The following HPSE2 variants were observed in gnomAD, a reference collection of about 807,000 sequenced individuals.
HPSE2 encodes the protein inactive heparanase-2.
In HPSE2, 38 loss-of-function variants were observed where a neutral mutation model predicts 60.5. The ratio of observed to expected loss-of-function variants is 0.63; its 90% CI spans 0.48 to 0.82. The LOEUF is 0.82. Ranked by LOEUF, HPSE2 falls within the 40% of genes least tolerant of loss-of-function variation. The pLI, the probability that HPSE2 is intolerant of heterozygous loss-of-function variation, is 0.00. For synonymous variants in HPSE2, 295 were observed against 293.2 expected (o/e 1.01, Z -0.06); for missense variants, 713 against 740.4 (o/e 0.96, Z 0.43).
At chr10:98,970,771 C>T (rs183478443) in intron 3 of HPSE2, among the ~76,000 whole-genome samples, 8 of 152,160 alleles carry the variant, frequency 5.3e-5, no homozygotes, top group Admixed American at 4.6e-4. Context: ...AGCAAAAGGT[C>T]ATCAAACAAC....
intron 3 of HPSE2, among the ~76,000 whole-genome samples, chr10:98,970,884 G>A (rs1448532607): frequency 1.3e-5 from 2 of 152,130 alleles, no homozygotes; most frequent in Non-Finnish European, 2.9e-5. Context: ...GCCAAATCAT[G>A]TGCCTGTTAA....
chr10:98,861,794 G>C (rs1952463979), intron 3 of HPSE2, among the ~76,000 whole-genome samples: 1 of 152,064 alleles, frequency 6.6e-6, no homozygotes, highest in African/African-American at 2.4e-5. Flanking sequence ...CTTTCAAAAG[G>C]GGATGCAGGA....
At chr10:99,236,892 A>G (rs1038513688), upstream of HPSE2, among the ~76,000 whole-genome samples, 1 of 151,768 alleles carries the variant, frequency 6.6e-6, no homozygotes, top group African/African-American at 2.4e-5. Context: ...CCCCCTCCAG[A>G]CCCTCCTGGA....
intron 3 of HPSE2, among the ~76,000 whole-genome samples, chr10:98,887,200 A>G (rs749755656): frequency 6.6e-6 from 1 of 152,150 alleles, no homozygotes; most frequent in African/African-American, 2.4e-5. Context: ...TAAGAACCAT[A>G]ATATCAACTT....
chr10:98,893,153 C>T (rs1953385236), intron 3 of HPSE2, among the ~76,000 whole-genome samples: 3 of 151,986 alleles, frequency 2.0e-5, no homozygotes, highest in South Asian at 4.1e-4. Flanking sequence ...CTGCAACCTC[C>T]ACCTCCCAGG....
At chr10:98,995,529 T>G (rs1956623854) in intron 3 of HPSE2, among the ~76,000 whole-genome samples, 1 of 152,168 alleles carries the variant, frequency 6.6e-6, no homozygotes, top group South Asian at 2.1e-4. Context: ...TTTATTCTCC[T>G]CTCCGGATAA....
At chr10:99,288,597 C>A in the HPSE2 span, among the ~76,000 whole-genome samples, 1 of 151,322 alleles carries the variant, frequency 6.6e-6, no homozygotes, top group Non-Finnish European at 1.5e-5. Flanking sequence ...GATCCAGGAA[C>A]CAGGGAATTC....
the HPSE2 span, among the ~76,000 whole-genome samples, chr10:99,249,545 T>C: frequency 6.6e-6 from 1 of 152,236 alleles, no homozygotes; most frequent in Non-Finnish European, 1.5e-5. Context: ...CAGAAGAGAC[T>C]TGCCTTGTCT....
In HPSE2 at chr10:98,983,526, C is replaced by T. The variant is rs576359140; in HGVS notation, c.610+160712G>A. 2.6e-5 allele frequency among the ~76,000 whole-genome samples: 4 copies of T among 152,330 alleles called. No individual in the cohort carries two copies. In the South Asian group the frequency reaches 8.3e-4, roughly 32 times the overall value. On this transcript the variant is annotated intron_variant, in intron 3 of 11. Coordinates refer to ENST00000370552, the MANE Select transcript of HPSE2 (RefSeq NM_021828.5). ...AATTGTCTCAAACTTATTTTTAAGGCCACCATCATTTGCGATCTCAAGCAG... is the reference window on the plus strand; with the variant it reads ...AATTGTCTCAAACTTATTTTTAAGGTCACCATCATTTGCGATCTCAAGCAG...
intron 3 of HPSE2, among the ~76,000 whole-genome samples, chr10:99,144,018 G>A (rs576333966): frequency 2.0e-5 from 3 of 152,270 alleles, no homozygotes; most frequent in South Asian, 4.1e-4. Flanking sequence ...GCTTCAATAG[G>A]TTTTCATCAG....
the HPSE2 span, among the ~76,000 whole-genome samples, chr10:99,281,325 A>T: frequency 7.1e-6 from 1 of 141,462 alleles, no homozygotes; most frequent in Non-Finnish European, 1.5e-5. Context: ...CTATTTTTAT[A>T]ATTACTATAT....
intron 5 of HPSE2, among the ~76,000 whole-genome samples, chr10:98,701,356 T>C (rs1948402614): frequency 6.7e-6 from 1 of 148,698 alleles, no homozygotes; most frequent in South Asian, 2.2e-4. Flanking sequence ...TGGATGAAAT[T>C]GGAAATCATC....
At chr10:98,932,088 T>C (rs1232546302) in intron 3 of HPSE2, among the ~76,000 whole-genome samples, 2 of 144,052 alleles carry the variant, frequency 1.4e-5, no homozygotes, top group African/African-American at 5.7e-5. Context: ...CCATTTAGTA[T>C]GATATTGGCT....
In HPSE2 at chr10:99,217,577, T is replaced by TTGTTG. The variant is rs1554922539; in HGVS notation, c.448+14770_448+14771insCAACA. Reference sequence around the variant, plus strand: ...TTGAATTGGCCTAGGACCCAGTTTTTTTGTTGTTGTTGTTGTTGTGCTGCT... The same window carrying TTGTTG: ...TTGAATTGGCCTAGGACCCAGTTTTTTGTTGTTGTTGTTGTTGTTGTTGTGCTGCT... On this transcript the variant is annotated intron_variant, in intron 2 of 11. Transcript: ENST00000370552. 2.6e-4 allele frequency among the ~76,000 whole-genome samples: 40 copies of TTGTTG among 151,490 alleles called. No individual in the cohort carries two copies. The South Asian group carries it at 3.1e-3, about 12-fold the overall frequency.
At chr10:98,602,562 C>T (rs1483480107) in intron 9 of HPSE2, among the ~76,000 whole-genome samples, 1 of 152,008 alleles carries the variant, frequency 6.6e-6, no homozygotes, top group Non-Finnish European at 1.5e-5. Context: ...TGGTATTGGC[C>T]ATAATCTCTT....
intron 3 of HPSE2, among the ~76,000 whole-genome samples, chr10:98,886,217 T>G (rs1953161296): frequency 6.6e-6 from 1 of 152,032 alleles, no homozygotes; most frequent in Non-Finnish European, 1.5e-5. Context: ...TGCCACATGG[T>G]TTTTCAAAAA....
In HPSE2 at chr10:99,059,556, G is replaced by A. The variant is rs530793051; in HGVS notation, c.610+84682C>T. On this transcript the variant is annotated intron_variant, in intron 3 of 11. Coordinates refer to ENST00000370552, the MANE Select transcript of HPSE2 (RefSeq NM_021828.5). ...TTGGTATTAATAAAGGCTAATACAGGTACCAGTACCTTTCTTTTCTCTCTC... is the reference window on the plus strand; with the variant it reads ...TTGGTATTAATAAAGGCTAATACAGATACCAGTACCTTTCTTTTCTCTCTC... 2.6e-5 allele frequency among the ~76,000 whole-genome samples: 4 copies of A among 152,078 alleles called. No homozygotes were observed. In the South Asian group the frequency reaches 8.3e-4, roughly 32 times the overall value.
Position 98,726,821 on chromosome 10 carries a change from A to G in HPSE2, c.785-4993T>C, listed in dbSNP as rs191120208. On this transcript the variant is annotated intron_variant, in intron 4 of 11. Coordinates refer to ENST00000370552, the MANE Select transcript of HPSE2 (RefSeq NM_021828.5). ...TAGGAGGATTCCTAGCTATCCACACATTTCCAGATAAGTGTGAAACCTAGG... is the reference window on the plus strand; with the variant it reads ...TAGGAGGATTCCTAGCTATCCACACGTTTCCAGATAAGTGTGAAACCTAGG... 5.3e-3 allele frequency among the ~76,000 whole-genome samples: 807 copies of G among 152,152 alleles called. 7 individuals are homozygous for G. The highest frequency in any genetic ancestry group is 7.6e-3 in the Non-Finnish European group (518 of 67,980).
intron 4 of HPSE2, among the ~76,000 whole-genome samples, chr10:98,741,407 T>C (rs1173160209): frequency 6.6e-6 from 1 of 152,098 alleles, no homozygotes; most frequent in Non-Finnish European, 1.5e-5. Flanking sequence ...TTTTTTTAAG[T>C]GTAATTAGCT....
Sources: allele counts gnomAD v4.1 joint callset (sites outside exome capture counted in the v4.1 genomes callset), GRCh38; gene constraint gnomAD v4.1.1; transcripts MANE v1.5; gene names NCBI Gene and HGNC (gene_info 2026-07-23, HGNC 2026-07-21).